Variants in ZNF182 observed in about 807,000 individuals in gnomAD.
ZNF182 encodes zinc finger protein 21 (KOX 14).
ZNF182 carries 10 observed loss-of-function variants against 28.1 expected under a neutral mutation model. That is an observed-to-expected ratio of 0.36 (90% CI 0.22 to 0.60). ZNF182 has a LOEUF of 0.60. Among genes scored for constraint, ZNF182 ranks in the 20% least tolerant of loss-of-function variants. ZNF182 has a pLI of 0.75. For missense variants in ZNF182, 352 were observed against 453.2 expected, an observed-to-expected ratio of 0.78 and a Z score of 2.03; for synonymous variants, 156 against 158.7, an observed-to-expected ratio of 0.98 and a Z score of 0.13.
chrX:48,002,432 C>T, intron 3 of ZNF182, 163 bp downstream of exon 3: 1 of 705,789 alleles, frequency 1.4e-6, no homozygotes, highest in Non-Finnish European at 2.2e-6. Context: ...ACCCTGAGTC[C>T]TGCACACCTC....
chrX:47,981,251 C>A (rs500561), intron 5 of ZNF182, among the ~76,000 whole-genome samples: 39,169 of 110,516 alleles, frequency 0.35, 5,443 homozygotes, highest in Non-Finnish European at 0.44. Flanking sequence ...AGGTCAGAGG[C>A]AGGAAATATA....
At chrX:47,990,605 C>T (rs60634580) in intron 3 of ZNF182, among the ~76,000 whole-genome samples, 7,390 of 111,753 alleles carry the variant, frequency 0.066, 333 homozygotes, top group African/African-American at 0.16. Context: ...GAACTATTCT[C>T]GCAGCTTCTC....
intron 5 of ZNF182, among the ~76,000 whole-genome samples, chrX:47,978,843 A>G (rs1332779747): frequency 8.9e-6 from 1 of 112,544 alleles, no homozygotes; most frequent in African/African-American, 3.2e-5. Flanking sequence ...TCACTCATTT[A>G]AACAGTTAAA....
chrX:47,992,426 A>G (rs1187258177), intron 3 of ZNF182, among the ~76,000 whole-genome samples: 4 of 109,880 alleles, frequency 3.6e-5, no homozygotes, highest in Non-Finnish European at 5.7e-5. Context: ...GCTAGACACA[A>G]CCCACTTGAC....
intron 3 of ZNF182, among the ~76,000 whole-genome samples, chrX:47,991,304 G>A (rs142822401): frequency 0.024 from 2,728 of 111,512 alleles, 29 homozygotes; most frequent in Middle Eastern, 0.07. Context: ...AGCCTCACCA[G>A]AAGCCAACCC....
chrX:47,977,289 T>A lies in ZNF182; in HGVS notation c.741A>T (p.Glu247Asp). ...ATTTTTGGCTAAAAGCTTTTCCACA[T>A]TCGGTACATCCAAAAGGTTTCTCTC... ...HTGEKPFGCTECGKAFSQKSQ... is the reference protein window; with the variant it reads ...HTGEKPFGCTDCGKAFSQKSQ... Residue 247 changes from glutamate (E) to aspartate (D), a missense_variant, in exon 6 of 6, where the codon GAA (glutamate) becomes GAT (aspartate). Transcript: ENST00000376943. 8.3e-7 allele frequency: 1 copy of A among 1,211,335 alleles called. No homozygotes were observed. Among genetic ancestry groups the A allele is most frequent in the Non-Finnish European group, 1.1e-6 (1 of 895,428 alleles).
At position 47,975,821 on chromosome X, in the gene ZNF182, G is replaced by A. The variant is rs782008323; in HGVS notation, c.*346C>T. 3 of 157,305 alleles carry A rather than the reference G, an allele frequency of 1.9e-5. No homozygotes were observed. In the South Asian group the frequency reaches 8.3e-4, roughly 43 times the overall value. 13.0% of individuals were successfully genotyped at this position (157,305 alleles called of 1,213,427 possible). ...TTACCACTGTTATATCTATGGTTCC[G>A]CGCCTCGGGGTATATCCCGAACCTC... On this transcript the variant is annotated 3_prime_UTR_variant, in exon 6 of 6. Coordinates refer to ENST00000376943, the MANE Select transcript of ZNF182 (RefSeq NM_001007088.2).
At chrX:47,978,896 C>T (rs2146457998) in intron 5 of ZNF182, among the ~76,000 whole-genome samples, 1 of 112,415 alleles carries the variant, frequency 8.9e-6, no homozygotes, top group South Asian at 3.6e-4. Context: ...GCAAGCAGCA[C>T]ATTATTTCAC....
At chrX:47,980,596 T>G (rs2058902189) in intron 5 of ZNF182, among the ~76,000 whole-genome samples, 1 of 111,742 alleles carries the variant, frequency 8.9e-6, no homozygotes, top group South Asian at 3.7e-4. Context: ...AAAGTAAAAC[T>G]TTTTAAAATG....
intron 3 of ZNF182, among the ~76,000 whole-genome samples, chrX:47,996,843 C>T (rs1556901156): frequency 1.8e-5 from 2 of 111,998 alleles, no homozygotes; most frequent in Non-Finnish European, 1.9e-5. Context: ...GAGGGCACAG[C>T]AAGAAGGTGG....
chrX:47,992,845 C>G (rs1378376169), intron 3 of ZNF182, among the ~76,000 whole-genome samples: 2 of 112,151 alleles, frequency 1.8e-5, no homozygotes, highest in African/African-American at 6.5e-5. Flanking sequence ...ATAAGCTTGA[C>G]CCAGATCAGA....
At chrX:47,998,704 A>G (rs1431785510) in intron 3 of ZNF182, among the ~76,000 whole-genome samples, 2 of 110,895 alleles carry the variant, frequency 1.8e-5, no homozygotes, top group Non-Finnish European at 3.8e-5. Context: ...TAAAAATACA[A>G]AAAAATTAGC....
chrX:47,978,037 C>T (rs192506294), intron 5 of ZNF182, among the ~76,000 whole-genome samples: 35 of 111,091 alleles, frequency 3.2e-4, no homozygotes, highest in Middle Eastern at 4.7e-3. Flanking sequence ...ATCAACTCTG[C>T]GAAACTTATA....
At chrX:47,983,959 A>T (rs1556899468) in intron 3 of ZNF182, among the ~76,000 whole-genome samples, 3 of 112,016 alleles carry the variant, frequency 2.7e-5, no homozygotes, top group Admixed American at 9.5e-5. Flanking sequence ...AAAGGAAAAG[A>T]CAAGTGTTAT....
intron 5 of ZNF182, among the ~76,000 whole-genome samples, chrX:47,982,655 G>A (rs1371770546): frequency 1.8e-5 from 2 of 111,292 alleles, no homozygotes; most frequent in African/African-American, 6.5e-5. Flanking sequence ...GGTGAGAGTC[G>A]TGAAAGTGGC....
intron 3 of ZNF182, among the ~76,000 whole-genome samples, chrX:47,988,306 G>C (rs1603226415): frequency 9.1e-6 from 1 of 110,306 alleles, no homozygotes; most frequent in Admixed American, 9.7e-5. Context: ...AACAGAGTGA[G>C]AGACTGCCTC....
chrX:47,989,686 T>C (rs781879655), intron 3 of ZNF182, among the ~76,000 whole-genome samples: 3 of 112,429 alleles, frequency 2.7e-5, no homozygotes, highest in African/African-American at 9.7e-5. Flanking sequence ...CAATGTTAAC[T>C]TTCTGAGTGT....
At chrX:47,989,426 C>A (rs1209049212) in intron 3 of ZNF182, among the ~76,000 whole-genome samples, 237 of 88,342 alleles carry the variant, frequency 2.7e-3, no homozygotes, top group Middle Eastern at 5.6e-3. Flanking sequence ...GACTTCGTCT[C>A]AAAAAAAAAA....
Position 47,976,258 on chromosome X carries a change from T to A in ZNF182, c.1772A>T (p.Lys591Ile). The change falls in exon 6 of 6, where the codon AAA (lysine) becomes ATA (isoleucine). Residue 591 changes from lysine (K) to isoleucine (I), a missense_variant. Lys to Ile is a moderately radical substitution (Grantham distance 102, BLOSUM62 -3). Transcript: ENST00000376943. Reference sequence around the variant, plus strand: ...TCGCTGATGTACAATAAGGTTTGATTTTTGGGTAAAGGCTTTCCCACATTC... The same window carrying A: ...TCGCTGATGTACAATAAGGTTTGATATTTGGGTAAAGGCTTTCCCACATTC... ...CTECGKAFTQ[K>I]SNLIVHQRTH... 1 of 1,203,765 alleles carries A rather than the reference T, an allele frequency of 8.3e-7. No homozygotes were observed. The highest frequency in any genetic ancestry group is 3.0e-5 in the East Asian group (1 of 33,788).
Sources: gnomAD v4.1 joint callset for allele counts (sites outside exome capture counted in the v4.1 genomes callset) on GRCh38, gnomAD v4.1.1 for gene constraint, MANE v1.5 for transcripts, NCBI Gene and HGNC (gene_info 2026-07-23, HGNC 2026-07-21) for gene names.